MAP3K9: variants seen among roughly 807,000 people sequenced by gnomAD.
MAP3K9 encodes the protein mixed lineage kinase 1 (tyr and ser/thr specificity).
Under a neutral mutation model 95.8 loss-of-function variants are expected in MAP3K9, and 46 were observed. That is an observed-to-expected ratio of 0.48 (90% CI 0.38 to 0.61). MAP3K9 has a LOEUF of 0.61. MAP3K9 is among the 20% of genes least tolerant of loss of function. The pLI, the probability that MAP3K9 is intolerant of heterozygous loss-of-function variation, is 0.00. For synonymous variants in MAP3K9, 533 were observed against 593.8 expected (o/e 0.90, Z 1.49); for missense variants, 1,296 against 1,474.3 (o/e 0.88, Z 1.98).
chr14:70,784,201 T>G (rs1289695689), intron 2 of MAP3K9, among the ~76,000 whole-genome samples: 1 of 151,940 alleles, frequency 6.6e-6, no homozygotes, highest in Non-Finnish European at 1.5e-5. Context: ...GAGAATCGCT[T>G]GAACCCGGGA....
In MAP3K9 at chr14:70,749,926, T is replaced by C; in HGVS notation, c.1150+7A>G. The C allele has an allele frequency of 6.2e-7, 1 of 1,614,218 alleles. No individual in the cohort carries two copies. Among genetic ancestry groups the C allele is most frequent in the Non-Finnish European group, 8.5e-7 (1 of 1,180,034 alleles). On this transcript the variant is annotated splice_region_variant and intron_variant, in intron 4 of 11. Coordinates refer to ENST00000554752, the MANE Select transcript of MAP3K9 (RefSeq NM_001284230.2). ...CTCCAGTTTGGTTCAGGCCAGGGCT[T>C]ACTTACCTTCCATGAGTTTGGCAAA...
intron 2 of MAP3K9, among the ~76,000 whole-genome samples, chr14:70,769,747 T>G (rs2054505922): frequency 6.6e-6 from 1 of 152,214 alleles, no homozygotes; most frequent in South Asian, 2.1e-4. Flanking sequence ...TTTGTGTATC[T>G]GTCTGCATCT....
At chr14:70,794,477 C>T (rs1045593749) in intron 2 of MAP3K9, among the ~76,000 whole-genome samples, 1 of 152,150 alleles carries the variant, frequency 6.6e-6, no homozygotes, top group Non-Finnish European at 1.5e-5. Context: ...AGCTGTCCAA[C>T]AGGAGTGTGC....
intron 2 of MAP3K9, among the ~76,000 whole-genome samples, chr14:70,799,350 G>GT (rs935152330): frequency 1.3e-4 from 19 of 151,838 alleles, no homozygotes; most frequent in African/African-American, 4.6e-4. Context: ...TTTTTTGTTT[G>GT]TTTTTTTGAG....
At chr14:70,774,436 C>T (rs1331315126) in intron 2 of MAP3K9, among the ~76,000 whole-genome samples, 3 of 151,972 alleles carry the variant, frequency 2.0e-5, no homozygotes, top group Admixed American at 6.6e-5. Flanking sequence ...GAGGTCGAGG[C>T]GGGTGGATCA....
intron 3 of MAP3K9, among the ~76,000 whole-genome samples, chr14:70,750,980 T>C (rs1360882930): frequency 6.6e-6 from 1 of 152,194 alleles, no homozygotes; most frequent in Non-Finnish European, 1.5e-5. Flanking sequence ...TTTGTTCCTA[T>C]AAAAGATTTC....
At position 70,732,718 on chromosome 14, in the gene MAP3K9, C is replaced by G. The variant is rs201816172; in HGVS notation, c.2651G>C (p.Arg884Pro). 1 of 1,602,166 alleles carries G rather than the reference C, an allele frequency of 6.2e-7. No homozygotes were observed. Among genetic ancestry groups the G allele is most frequent in the Non-Finnish European group, 8.5e-7 (1 of 1,171,788 alleles). The change falls in exon 11 of 12, where the codon CGA becomes CCA. Residue 884 changes from arginine to proline, a missense_variant. Physicochemically the swap from Arg to Pro is moderately radical, Grantham distance 103. Around this residue, in one of 5 missense-constraint regions of MAP3K9, gnomAD observed 433 missense variants for 441.4 expected, o/e 0.98. Coordinates refer to ENST00000554752, the MANE Select transcript of MAP3K9 (RefSeq NM_001284230.2). ...PCTHNPLVNV[R>P]VERFKRDPNQ... ...AGGATCTCGTTTGAAGCGCTCTACTCGGACATTGACCAGGGGGTTGTGGGT... is the reference window on the plus strand; with the variant it reads ...AGGATCTCGTTTGAAGCGCTCTACTGGGACATTGACCAGGGGGTTGTGGGT...
intron 2 of MAP3K9, among the ~76,000 whole-genome samples, chr14:70,795,076 C>T (rs2054849371): frequency 6.8e-6 from 1 of 147,500 alleles, no homozygotes; most frequent in Non-Finnish European, 1.5e-5. Flanking sequence ...TCACCACAAC[C>T]TCCGCCTCCC....
At chr14:70,733,431 C>A in intron 10 of MAP3K9, 89 bp from the exon 11 acceptor site, 2 of 638,078 alleles carry the variant, frequency 3.1e-6, no homozygotes, top group Non-Finnish European at 2.8e-6. Context: ...CACCCCAGGC[C>A]TCCTGTCTCA....
intron 11 of MAP3K9, among the ~76,000 whole-genome samples, chr14:70,731,420 G>A (rs2053901373): frequency 6.6e-6 from 1 of 152,112 alleles, no homozygotes; most frequent in African/African-American, 2.4e-5. Context: ...CTGCACTCCA[G>A]CCTGGGTGAC....
At chr14:70,778,057 CCTCT>C (rs892683041) in intron 2 of MAP3K9, among the ~76,000 whole-genome samples, 15 of 151,654 alleles carry the variant, frequency 9.9e-5, no homozygotes, top group African/African-American at 3.1e-4. Flanking sequence ...TAGGACGGAA[CCTCT>C]CTCTCTCCCT....
chr14:70,808,988 C>T lies in MAP3K9; in HGVS notation c.184G>A (p.Glu62Lys), dbSNP rs755066097. 2.6e-6 allele frequency: 4 copies of T among 1,557,018 alleles called. No homozygotes were observed. Among genetic ancestry groups the T allele is most frequent in the Non-Finnish European group, 3.5e-6 (4 of 1,158,628 alleles). The stretch of plus-strand genomic sequence containing the variant: ...TCGTCCTCGCCCGCCGCCTCGTACT[C>T]GAACACGGCCGTCCAGTAGGGCAGC... The part of the protein sequence containing the change: ...APLPYWTAVF[E>K]YEAAGEDELT... Residue 62 changes from glutamate (E) to lysine (K), a missense_variant, in exon 1 of 12, where the codon GAG (glutamate) becomes AAG (lysine). Coordinates refer to ENST00000554752, the MANE Select transcript of MAP3K9 (RefSeq NM_001284230.2).
intron 6 of MAP3K9, among the ~76,000 whole-genome samples, chr14:70,740,813 C>T (rs1264274799): frequency 6.6e-6 from 1 of 152,254 alleles, no homozygotes; most frequent in Non-Finnish European, 1.5e-5. Context: ...CCCCATTAGA[C>T]TGTGATCTCC....
intron 1 of MAP3K9, among the ~76,000 whole-genome samples, chr14:70,801,754 G>A (rs2054933002): frequency 6.6e-6 from 1 of 152,212 alleles, no homozygotes; most frequent in South Asian, 2.1e-4. Flanking sequence ...AGGATTCTCA[G>A]GGAAGGCAAC....
At chr14:70,733,616 G>A (rs907549967) in intron 10 of MAP3K9, 5 of 666,538 alleles carry the variant, frequency 7.5e-6, no homozygotes, top group Non-Finnish European at 1.4e-5. Context: ...TAAGGGATCT[G>A]TGATAGTGAC....
rs1195975829 is a variant in MAP3K9, at chr14:70,724,743, G to T, written c.*5637C>A. 6.6e-6 allele frequency: 1 copy of T among 152,216 alleles called. No individual in the cohort carries two copies. Among genetic ancestry groups the T allele is most frequent in the African/African-American group, 2.4e-5 (1 of 41,436 alleles). The allele number at this position is 152,216 out of a possible 1,614,324, so 9.4% of individuals were successfully genotyped here. A position where few individuals can be genotyped will look rare whatever the true frequency, so the allele number is the denominator to read the frequency against. ...AACCTGGCCTTGGACTTCAGTGAGC[G>T]CAGGGCAAGGAACACCACGGCCCTG... On this transcript the variant is annotated 3_prime_UTR_variant, in exon 12 of 12. Coordinates refer to ENST00000554752, the MANE Select transcript of MAP3K9 (RefSeq NM_001284230.2).
chr14:70,778,900 C>T (rs1381373281), intron 2 of MAP3K9, among the ~76,000 whole-genome samples: 2 of 152,180 alleles, frequency 1.3e-5, no homozygotes, highest in African/African-American at 4.8e-5. Flanking sequence ...CTTGTTTGAA[C>T]ACCTAACATG....
chr14:70,741,252 G>A (rs1375677217), intron 6 of MAP3K9, among the ~76,000 whole-genome samples: 1 of 152,032 alleles, frequency 6.6e-6, no homozygotes, highest in Non-Finnish European at 1.5e-5. Context: ...CACCATGCCC[G>A]GCTAATTTTG....
At chr14:70,786,074 A>C (rs537592357) in intron 2 of MAP3K9, among the ~76,000 whole-genome samples, 1 of 152,322 alleles carries the variant, frequency 6.6e-6, no homozygotes, top group African/African-American at 2.4e-5. Flanking sequence ...ATATCAGGTT[A>C]CACTAATAAT....
Sources: gnomAD v4.1 joint callset for allele counts (sites outside exome capture counted in the v4.1 genomes callset) on GRCh38, gnomAD v4.1.1 for gene constraint, gnomAD v4.1.1 regional missense constraint, MANE v1.5 for transcripts, NCBI Gene and HGNC (gene_info 2026-07-23, HGNC 2026-07-21) for gene names.